The following GPATCH2L variants were observed in gnomAD, a reference collection of about 807,000 sequenced individuals.
The protein encoded by GPATCH2L is G-patch domain containing 2 like, also known as G patch domain-containing protein 2-like.
Under a neutral mutation model 57.4 loss-of-function variants are expected in GPATCH2L, and 31 were observed. That is an observed-to-expected ratio of 0.54 (90% CI 0.41 to 0.73). The LOEUF (loss-of-function observed/expected upper bound fraction) is 0.73, where lower values mean the gene tolerates loss of function less well. Among genes scored for constraint, GPATCH2L ranks in the 30% least tolerant of loss-of-function variants. The pLI is 0.00. For missense variants in GPATCH2L, 481 were observed against 599.9 expected (o/e 0.80, Z 2.07); for synonymous variants, 199 against 210.7 (o/e 0.94, Z 0.48).
intron 2 of GPATCH2L, among the ~76,000 whole-genome samples, chr14:76,158,743 T>G (rs192832901): frequency 7.4e-4 from 113 of 152,356 alleles, no homozygotes; most frequent in Non-Finnish European, 1.3e-4. Flanking sequence ...ATTGTTGCAG[T>G]TGGTAGTATT....
At chr14:76,194,532 C>T (rs1445429483) in intron 8 of GPATCH2L, among the ~76,000 whole-genome samples, 3 of 150,304 alleles carry the variant, frequency 2.0e-5, no homozygotes, top group African/African-American at 7.5e-5. Flanking sequence ...TGCACGCATG[C>T]ATGCACCCTT....
intron 8 of GPATCH2L, among the ~76,000 whole-genome samples, chr14:76,184,501 G>A (rs190702968): frequency 2.6e-3 from 397 of 152,026 alleles, no homozygotes; most frequent in African/African-American, 9.2e-3. Flanking sequence ...AGGTGGGGGC[G>A]GGGGGCATTG....
downstream of GPATCH2L, among the ~76,000 whole-genome samples, chr14:76,217,530 T>C (rs1210769302): frequency 1.3e-5 from 2 of 152,016 alleles, no homozygotes; most frequent in Non-Finnish European, 2.9e-5. Context: ...GGACCAATAA[T>C]GTACTCTTCC....
intron 8 of GPATCH2L, among the ~76,000 whole-genome samples, chr14:76,192,941 A>G (rs973048400): frequency 1.3e-5 from 2 of 152,126 alleles, no homozygotes; most frequent in African/African-American, 2.4e-5. Flanking sequence ...ACCATTTACC[A>G]CAGAGAGAAG....
downstream of GPATCH2L, among the ~76,000 whole-genome samples, chr14:76,219,056 G>A (rs894385881): frequency 1.3e-5 from 2 of 148,810 alleles, no homozygotes; most frequent in East Asian, 3.9e-4. Flanking sequence ...ACTGGGGAAG[G>A]CCTTTCTAAG....
chr14:76,208,581 G>A lies in GPATCH2L; in HGVS notation c.*6730G>A, dbSNP rs79817553. ...CACTTAGACACCCACACACACACAC[G>A]CTTCCTTACCTTCTTGCCAGTGCCT... On this transcript the variant is annotated 3_prime_UTR_variant, in exon 10 of 10. Transcript: ENST00000261530. 73 of 152,310 alleles carry A rather than the reference G, an allele frequency of 4.8e-4. 1 individual carries two copies. The highest frequency in any genetic ancestry group is 8.2e-4 in the Non-Finnish European group (56 of 68,100). 9.4% of individuals were successfully genotyped at this position (152,310 alleles called of 1,614,324 possible).
chr14:76,170,824 A>G (rs2039050359), intron 3 of GPATCH2L: 1 of 152,134 alleles, frequency 6.6e-6, no homozygotes, highest in African/African-American at 2.4e-5. Context: ...TTTTGTAATA[A>G]AGATCTCAGG....
chr14:76,157,124 C>T (rs922216270), intron 2 of GPATCH2L, among the ~76,000 whole-genome samples: 10 of 152,194 alleles, frequency 6.6e-5, no homozygotes, highest in Non-Finnish European at 8.8e-5. Flanking sequence ...GTGGCACACA[C>T]GGCATTGAGG....
At chr14:76,233,276 C>T (rs971035489) in intron 2 of GPATCH2L, among the ~76,000 whole-genome samples, 1 of 152,212 alleles carries the variant, frequency 6.6e-6, no homozygotes, top group Non-Finnish European at 1.5e-5. Flanking sequence ...TTCCTCTCCA[C>T]CCCCACGCAG....
intron 2 of GPATCH2L, among the ~76,000 whole-genome samples, chr14:76,158,378 A>G (rs975735242): frequency 3.9e-5 from 6 of 152,204 alleles, no homozygotes; most frequent in African/African-American, 1.2e-4. Flanking sequence ...GATACAAACA[A>G]TAGCTCAGAA....
rs779941979 is a variant in GPATCH2L, at chr14:76,176,676, C to T, written c.1038C>T (p.Asp346=). The T allele has an allele frequency of 1.9e-6, 3 of 1,607,572 alleles. No individual in the cohort carries two copies. Among genetic ancestry groups the T allele is most frequent in the Non-Finnish European group, 2.6e-6 (3 of 1,174,070 alleles). ...GTERISHIIS[D]PRQKEKNKAL... ...AGAGGATAAGCCATATCATTAGTGA[C>T]CCTCGGCAGAAAGAGTAAGTGCTTA... The change falls in exon 6 of 10, where the codon GAC becomes GAT. Residue 346 remains aspartate, a synonymous_variant. Transcript: ENST00000261530.
At position 76,209,335 on chromosome 14, in the gene GPATCH2L, T is replaced by C. The variant is rs1186965883; in HGVS notation, c.*7484T>C. 6.6e-6 allele frequency: 1 copy of C among 152,248 alleles called. No individual in the cohort carries two copies. The highest frequency in any genetic ancestry group is 1.5e-5 in the Non-Finnish European group (1 of 68,056). 9.4% of individuals were successfully genotyped at this position (152,248 alleles called of 1,614,324 possible). ...AATGCACCAACTTAAAAGCACAGATTAGAGTGGAGCATTCACATTTATTAC... is the reference window on the plus strand; with the variant it reads ...AATGCACCAACTTAAAAGCACAGATCAGAGTGGAGCATTCACATTTATTAC... On this transcript the variant is annotated 3_prime_UTR_variant, in exon 10 of 10. Transcript: ENST00000261530.
chr14:76,164,810 C>T (rs2038754623), intron 2 of GPATCH2L, among the ~76,000 whole-genome samples: 1 of 152,124 alleles, frequency 6.6e-6, no homozygotes, highest in Non-Finnish European at 1.5e-5. Flanking sequence ...TAACAGTGGA[C>T]AAGAGGGTTC....
chr14:76,228,636 C>T (rs1244168394), intron 1 of GPATCH2L, among the ~76,000 whole-genome samples: 1 of 152,180 alleles, frequency 6.6e-6, no homozygotes, highest in African/African-American at 2.4e-5. Flanking sequence ...TAGACTGTTT[C>T]GTTGCTATAA....
rs539049126 is a variant in GPATCH2L at position 76,172,779 on chromosome 14, C to T, written c.904+760C>T. 6.6e-5 allele frequency among the ~76,000 whole-genome samples: 10 copies of T among 152,296 alleles called. No homozygotes were observed. The South Asian group carries it at 1.9e-3, about 28-fold the overall frequency. On this transcript the variant is annotated intron_variant, in intron 4 of 9. Transcript: ENST00000261530. Reference sequence around the variant, plus strand: ...AGTTTGTTGAACATCTGTGGGTGATCAGAATCACACTACGAGATGTAAACT... The same window carrying T: ...AGTTTGTTGAACATCTGTGGGTGATTAGAATCACACTACGAGATGTAAACT...
intron 2 of GPATCH2L, among the ~76,000 whole-genome samples, chr14:76,156,656 T>C (rs2038321343): frequency 2.0e-5 from 3 of 152,268 alleles, no homozygotes; most frequent in Non-Finnish European, 4.4e-5. Context: ...TGAGCATATA[T>C]ACCAAATAGA....
At chr14:76,152,605 C>G (rs905638145) in intron 1 of GPATCH2L, 6 of 454,844 alleles carry the variant, frequency 1.3e-5, no homozygotes, top group African/African-American at 1.0e-4. Flanking sequence ...GCCGGGTCCT[C>G]TCGAGAGTGT....
At chr14:76,169,810 A>G (rs372266541) in intron 3 of GPATCH2L, among the ~76,000 whole-genome samples, 1 of 152,174 alleles carries the variant, frequency 6.6e-6, no homozygotes, top group East Asian at 1.9e-4. Flanking sequence ...GTACAGAGAA[A>G]CTAGTTATTA....
intron 1 of GPATCH2L, among the ~76,000 whole-genome samples, chr14:76,229,595 G>T (rs1305435202): frequency 6.6e-6 from 1 of 151,972 alleles, no homozygotes; most frequent in Non-Finnish European, 1.5e-5. Flanking sequence ...TGCCCTCTAC[G>T]CTATGGGCCC....
Sources: allele counts gnomAD v4.1 joint callset (sites outside exome capture counted in the v4.1 genomes callset), GRCh38; gene constraint gnomAD v4.1.1; transcripts MANE v1.5; gene names NCBI Gene and HGNC (gene_info 2026-07-23, HGNC 2026-07-21).